CSMD1: variants seen among roughly 807,000 people sequenced by gnomAD.
The protein encoded by CSMD1 is CUB and Sushi multiple domains 1, also known as CUB and sushi domain-containing protein 1.
In CSMD1, 213 loss-of-function variants were observed where a neutral mutation model predicts 417.5. The ratio of observed to expected loss-of-function variants is 0.51; its 90% CI spans 0.46 to 0.57. CSMD1 has a LOEUF of 0.57. Ranked by LOEUF, CSMD1 falls within the 20% of genes least tolerant of loss-of-function variation. The probability of loss-of-function intolerance (pLI) is 0.00; values close to 1 mark genes in which losing one functional copy is unlikely to be tolerated. For missense variants in CSMD1, 6,923 were observed against 4,529.7 expected, an observed-to-expected ratio of 1.53 and a Z score of -15.17; for synonymous variants, 2,862 against 1,736.8, an observed-to-expected ratio of 1.65 and a Z score of -16.11.
At chr8:3,748,598 C>CCAG (rs1204128278) in intron 6 of CSMD1, among the ~76,000 whole-genome samples, 1 of 152,170 alleles carries the variant, frequency 6.6e-6, no homozygotes, top group Non-Finnish European at 1.5e-5. Context: ...ATGCATGCCA[C>CCAG]CAGAATCCAG....
chr8:4,032,153 G>C (rs950647289), intron 3 of CSMD1, 54 bp from the exon 4 acceptor site: 8 of 1,379,470 alleles, frequency 5.8e-6, no homozygotes, highest in African/African-American at 5.7e-5. Flanking sequence ...TCCATGGAGA[G>C]CCACTTATAA....
chr8:3,948,186 A>G (rs528543814), intron 5 of CSMD1, among the ~76,000 whole-genome samples: 6 of 152,328 alleles, frequency 3.9e-5, no homozygotes, highest in African/African-American at 1.4e-4. Flanking sequence ...GCCTGGCAAC[A>G]GACCAAGACT....
chr8:4,216,331 T>C (rs1174134186), intron 3 of CSMD1, among the ~76,000 whole-genome samples: 1 of 152,160 alleles, frequency 6.6e-6, no homozygotes, highest in Admixed American at 6.5e-5. Flanking sequence ...ACTGCAGGGA[T>C]GCTTTCAGTT....
At chr8:4,867,634 G>A (rs1802494592) in intron 1 of CSMD1, among the ~76,000 whole-genome samples, 1 of 151,870 alleles carries the variant, frequency 6.6e-6, no homozygotes, top group African/African-American at 2.4e-5. Flanking sequence ...TTATTATGTC[G>A]CAATGCCAGA....
intron 2 of CSMD1, among the ~76,000 whole-genome samples, chr8:4,510,052 G>C (rs1340420023): frequency 6.6e-6 from 1 of 152,016 alleles, no homozygotes; most frequent in Non-Finnish European, 1.5e-5. Context: ...TCAATCTTGG[G>C]GGTAGGTCTT....
intron 50 of CSMD1, among the ~76,000 whole-genome samples, chr8:3,035,461 G>A (rs1217682016): frequency 1.3e-5 from 2 of 152,158 alleles, no homozygotes; most frequent in South Asian, 2.1e-4. Flanking sequence ...CTCACATCAT[G>A]TTGTGTTTCT....
chr8:3,806,658 T>C (rs1482508395), intron 5 of CSMD1, among the ~76,000 whole-genome samples: 1 of 152,196 alleles, frequency 6.6e-6, no homozygotes, highest in African/African-American at 2.4e-5. Context: ...AGACAATGCG[T>C]TGAGCACTTG....
chr8:3,329,215 C>T (rs562465006), intron 23 of CSMD1, among the ~76,000 whole-genome samples: 2 of 152,132 alleles, frequency 1.3e-5, no homozygotes, highest in Non-Finnish European at 2.9e-5. Context: ...TTATCAATAA[C>T]AGAGGAGGCT....
intron 5 of CSMD1, among the ~76,000 whole-genome samples, chr8:3,978,673 C>T (rs1391713787): frequency 2.6e-5 from 4 of 152,118 alleles, no homozygotes; most frequent in African/African-American, 9.7e-5. Flanking sequence ...TGAAATTACT[C>T]CTGCCCAACC....
intron 3 of CSMD1, among the ~76,000 whole-genome samples, chr8:4,332,349 G>C (rs1004779738): frequency 1.3e-5 from 2 of 152,000 alleles, no homozygotes; most frequent in Non-Finnish European, 2.9e-5. Flanking sequence ...CGCTGAAAAA[G>C]GAAGACAGCA....
At chr8:4,658,892 T>C (rs925074072) in intron 1 of CSMD1, among the ~76,000 whole-genome samples, 5 of 152,290 alleles carry the variant, frequency 3.3e-5, no homozygotes, top group African/African-American at 1.2e-4. Context: ...GGAGCACAAC[T>C]TTTCTATGTT....
chr8:3,408,019 G>C lies in CSMD1; in HGVS notation c.1951C>G (p.Leu651Val), dbSNP rs761287790. The change falls in exon 14 of 70, where the codon CTG becomes GTG. Residue 651 changes from leucine (L) to valine (V), a missense_variant. Leu to Val is a conservative substitution (Grantham distance 32, BLOSUM62 1). Transcript: ENST00000635120. The stretch of plus-strand genomic sequence containing the variant: ...ACTTCATTGCCAGAAAAAGTACCCA[G>C]GACAGTTATGTCAGAAATGCCATCA... ...KDDGISDITV[L>V]GTFSGNEVPS... 9.9e-6 allele frequency: 16 copies of C among 1,613,786 alleles called. No homozygotes were observed. Among genetic ancestry groups the C allele is most frequent in the African/African-American group, 8.0e-5 (6 of 74,902 alleles).
intron 5 of CSMD1, among the ~76,000 whole-genome samples, chr8:3,909,315 G>C (rs1243036125): frequency 2.0e-5 from 3 of 152,270 alleles, no homozygotes; most frequent in East Asian, 1.9e-4. Context: ...ACTTCTCCTA[G>C]GGTGATTCGT....
chr8:4,831,177 C>G (rs762815723), intron 1 of CSMD1, among the ~76,000 whole-genome samples: 4 of 152,168 alleles, frequency 2.6e-5, no homozygotes, highest in Non-Finnish European at 5.9e-5. Flanking sequence ...AATCTAGAAT[C>G]TGAAAAATGC....
intron 1 of CSMD1, among the ~76,000 whole-genome samples, chr8:4,815,415 AC>A (rs1340242035): frequency 6.6e-6 from 1 of 152,044 alleles, no homozygotes; most frequent in African/African-American, 2.4e-5. Context: ...TAAGAAAGGA[AC>A]CGGGCTTATT....
intron 3 of CSMD1, among the ~76,000 whole-genome samples, chr8:4,351,077 A>G (rs1801065104): frequency 6.6e-6 from 1 of 152,150 alleles, no homozygotes; most frequent in Admixed American, 6.5e-5. Flanking sequence ...CCAGAACTTC[A>G]GGAGTCTGAA....
intron 2 of CSMD1, among the ~76,000 whole-genome samples, chr8:4,609,590 T>C (rs1801060485): frequency 6.6e-6 from 1 of 152,182 alleles, no homozygotes; most frequent in African/African-American, 2.4e-5. Flanking sequence ...GCCACTGCCA[T>C]CACAGAGTAT....
intron 2 of CSMD1, among the ~76,000 whole-genome samples, chr8:4,616,459 A>C (rs888241323): frequency 2.0e-5 from 3 of 152,220 alleles, no homozygotes; most frequent in African/African-American, 7.2e-5. Flanking sequence ...AAAACTAACT[A>C]TTTAAAGCTG....
chr8:4,178,855 A>G (rs1046479244), intron 3 of CSMD1, among the ~76,000 whole-genome samples: 12 of 152,170 alleles, frequency 7.9e-5, no homozygotes, highest in Non-Finnish European at 1.8e-4. Flanking sequence ...AAATACTTAG[A>G]AATCCAACTT....
Sources: allele counts gnomAD v4.1 joint callset (sites outside exome capture counted in the v4.1 genomes callset), GRCh38; gene constraint gnomAD v4.1.1; transcripts MANE v1.5; gene names NCBI Gene and HGNC (gene_info 2026-07-23, HGNC 2026-07-21).